The following OSBPL9 variants were observed in gnomAD, a reference collection of about 807,000 sequenced individuals.
The protein encoded by OSBPL9 is oxysterol-binding protein-related protein 9.
A neutral mutation model predicts 106.6 loss-of-function variants in OSBPL9; 40 were observed. The observed-to-expected ratio is 0.38, with a 90% CI of 0.29 to 0.49. OSBPL9 has a LOEUF of 0.49. Among genes scored for constraint, OSBPL9 ranks in the 20% least tolerant of loss-of-function variants. The pLI is 0.97. For synonymous variants in OSBPL9, 269 were observed against 295.4 expected, an observed-to-expected ratio of 0.91 and a Z score of 0.92; for missense variants, 609 against 887.2, an observed-to-expected ratio of 0.69 and a Z score of 3.98.
the OSBPL9 span, among the ~76,000 whole-genome samples, chr1:51,571,942 G>C: frequency 6.6e-6 from 1 of 152,074 alleles, no homozygotes; most frequent in African/African-American, 2.4e-5. Context: ...ACAATGTGAG[G>C]GACAACAACC....
intron 14 of OSBPL9, among the ~76,000 whole-genome samples, chr1:51,774,754 C>G (rs993477769): frequency 6.6e-6 from 1 of 152,202 alleles, no homozygotes; most frequent in African/African-American, 2.4e-5. Context: ...AAACCCAGCT[C>G]TCTTCATCAC....
intron 1 of OSBPL9, among the ~76,000 whole-genome samples, chr1:51,586,556 T>A (rs1246229297): frequency 6.6e-6 from 1 of 152,244 alleles, no homozygotes; most frequent in Non-Finnish European, 1.5e-5. Context: ...TTTCTGATTA[T>A]TTCTTGAGAG....
At chr1:51,750,539 T>TA (rs772963925) in intron 8 of OSBPL9, among the ~76,000 whole-genome samples, 3 of 152,224 alleles carry the variant, frequency 2.0e-5, no homozygotes, top group Non-Finnish European at 2.9e-5. Flanking sequence ...TTCTGACAGT[T>TA]ATTGTCCATA....
chr1:51,635,572 T>C (rs557970998), intron 1 of OSBPL9, among the ~76,000 whole-genome samples: 1 of 152,290 alleles, frequency 6.6e-6, no homozygotes, highest in South Asian at 2.1e-4. Context: ...GTGCAGCATA[T>C]ATTACTAACA....
At position 51,729,604 on chromosome 1, in the gene OSBPL9, GCCCTCCCGCCGCTGCGCAC is replaced by G. The variant is rs1490725680; in HGVS notation, c.318+15535_318+15553del. 1 of 195,016 alleles carries G rather than the reference GCCCTCCCGCCGCTGCGCAC, an allele frequency of 5.1e-6. No individual in the cohort carries two copies. Among genetic ancestry groups the G allele is most frequent in the Non-Finnish European group, 1.0e-5 (1 of 97,512 alleles). 12.1% of individuals were successfully genotyped at this position (195,016 alleles called of 1,614,324 possible). ...CGGGTCTGGGCGGGGCGCTCCGGAC[GCCCTCCCGCCGCTGCGCAC>G]CCCTCCCGCGAGCTGCCAGCTCCCT... On this transcript the variant is annotated intron_variant, in intron 4 of 23. Transcript: ENST00000428468. This position sits in a 1 kb window ranked among gnomAD's most constrained non-coding sequence, Gnocchi z 5.1.
rs138071062 is a variant in OSBPL9, at chr1:51,655,523, C to T, written c.162+3482C>T. Among the ~76,000 whole-genome samples, 837 of 152,238 alleles carry T rather than the reference C, an allele frequency of 5.5e-3. 9 individuals carry two copies. Among genetic ancestry groups the T allele is most frequent in the Non-Finnish European group, 6.2e-3 (423 of 68,014 alleles). On this transcript the variant is annotated intron_variant, in intron 2 of 23. Transcript: ENST00000428468. ...TTTAAAAGACCTCATGTGATGACAT[C>T]GGATTAGGTCCACCAAATAATCTCC...
At chr1:51,593,904 T>TCA (rs58936844) in intron 1 of OSBPL9, among the ~76,000 whole-genome samples, 15,621 of 140,056 alleles carry the variant, frequency 0.11, 964 homozygotes, top group African/African-American at 0.16. Context: ...TAATCAGATT[T>TCA]CACACACACA....
rs75415041 is a variant in OSBPL9 at position 51,769,338 on chromosome 1, C to G, written c.939-2732C>G. Among the ~76,000 whole-genome samples the G allele has an allele frequency of 3.3e-3, 498 of 152,270 alleles. 2 individuals are homozygous for G. Among genetic ancestry groups the G allele is most frequent in the African/African-American group, 0.011 (476 of 41,550 alleles). On this transcript the variant is annotated intron_variant, in intron 12 of 23. Coordinates refer to ENST00000428468, the MANE Select transcript of OSBPL9 (RefSeq NM_024586.6). The stretch of plus-strand genomic sequence containing the variant: ...GCTTCTGTGTAACTATGGCACTGAG[C>G]ACTGTAGTTTACACATTTATAAATT...
intron 1 of OSBPL9, among the ~76,000 whole-genome samples, chr1:51,584,655 G>A (rs1645237629): frequency 6.6e-6 from 1 of 152,304 alleles, no homozygotes; most frequent in South Asian, 2.1e-4. Flanking sequence ...GGCAGAGGTT[G>A]CAGTGAGCCG....
chr1:51,675,587 G>C (rs1650993964), intron 3 of OSBPL9, among the ~76,000 whole-genome samples: 1 of 152,108 alleles, frequency 6.6e-6, no homozygotes, highest in South Asian at 2.1e-4. Context: ...ATTAAACCTT[G>C]GATCATACTA....
upstream of OSBPL9, among the ~76,000 whole-genome samples, chr1:51,576,235 T>C (rs1645183029): frequency 6.6e-6 from 1 of 152,326 alleles, no homozygotes; most frequent in African/African-American, 2.4e-5. Flanking sequence ...TTCAAGGTCA[T>C]GGTAATTAGA....
intron 3 of OSBPL9, among the ~76,000 whole-genome samples, chr1:51,683,590 C>T (rs984786016): frequency 6.6e-5 from 10 of 151,672 alleles, no homozygotes; most frequent in African/African-American, 1.9e-4. Flanking sequence ...TCCAGCAGTT[C>T]GAGACCAGCC....
At chr1:51,765,270 C>G (rs572219698) in intron 11 of OSBPL9, among the ~76,000 whole-genome samples, 11 of 152,122 alleles carry the variant, frequency 7.2e-5, no homozygotes, top group Non-Finnish European at 1.3e-4. Context: ...TTTATCTCCA[C>G]CTCTGAGCCC....
chr1:51,649,550 A>G (rs937961960), intron 1 of OSBPL9, among the ~76,000 whole-genome samples: 2 of 151,788 alleles, frequency 1.3e-5, no homozygotes, highest in East Asian at 1.9e-4. Context: ...CCTTTCCCCC[A>G]CTACCTTCCC....
At chr1:51,734,877 G>A (rs1189624932) in intron 4 of OSBPL9, among the ~76,000 whole-genome samples, 1 of 151,914 alleles carries the variant, frequency 6.6e-6, no homozygotes. Context: ...ACTAATTTTG[G>A]TTTCCTTGAG....
chr1:51,529,836 T>C, the OSBPL9 span, among the ~76,000 whole-genome samples: 1 of 150,250 alleles, frequency 6.7e-6, no homozygotes, highest in Non-Finnish European at 1.5e-5. Context: ...AATGTAAAAC[T>C]GTAAAATTCT....
chr1:51,733,448 G>C (rs1664918246), intron 4 of OSBPL9, among the ~76,000 whole-genome samples: 1 of 152,144 alleles, frequency 6.6e-6, no homozygotes, highest in African/African-American at 2.4e-5. Context: ...ATGAGAAACG[G>C]GGGATTGGAA....
chr1:51,601,712 CT>C (rs1645325762), intron 2 of OSBPL9, among the ~76,000 whole-genome samples: 1 of 152,192 alleles, frequency 6.6e-6, no homozygotes, highest in Admixed American at 6.5e-5. Context: ...AGCTCAAATA[CT>C]TTTCCTTGTG....
At chr1:51,733,336 C>T (rs1433337174) in intron 4 of OSBPL9, among the ~76,000 whole-genome samples, 1 of 152,140 alleles carries the variant, frequency 6.6e-6, no homozygotes, top group Non-Finnish European at 1.5e-5. Context: ...ACGATAATAG[C>T]TTAAGTGTGT....
Sources: allele counts gnomAD v4.1 joint callset (sites outside exome capture counted in the v4.1 genomes callset), GRCh38; gene constraint gnomAD v4.1.1; non-coding constraint Gnocchi (gnomAD v3.1); transcripts MANE v1.5; gene names NCBI Gene and HGNC (gene_info 2026-07-23, HGNC 2026-07-21).